Variants in NOBOX observed in about 807,000 individuals in gnomAD.
NOBOX encodes homeobox protein NOBOX.
NOBOX carries 46 observed loss-of-function variants against 60.2 expected under a neutral mutation model. The observed-to-expected ratio is 0.76, with a 90% confidence interval of 0.60 to 0.98. The LOEUF (loss-of-function observed/expected upper bound fraction) is 0.98, where lower values mean the gene tolerates loss of function less well. Among genes scored for constraint, NOBOX ranks in the 50% least tolerant of loss-of-function variants. NOBOX has a pLI of 0.00. For synonymous variants in NOBOX, 360 were observed against 346.3 expected, an observed-to-expected ratio of 1.04 and a Z score of -0.44; for missense variants, 880 against 865.5, an observed-to-expected ratio of 1.02 and a Z score of -0.21.
In NOBOX at chr7:144,401,424, C is replaced by G. The variant is rs376715979; in HGVS notation, c.466G>C (p.Gly156Arg). 6.2e-7 allele frequency: 1 copy of G among 1,610,374 alleles called. No individual in the cohort carries two copies. The change falls in exon 4 of 10, where the codon GGG becomes CGG. Residue 156 changes from glycine to arginine, a missense_variant. Coordinates refer to ENST00000467773, the MANE Select transcript of NOBOX (RefSeq NM_001080413.3). This position sits in a 1 kb window ranked among gnomAD's most constrained non-coding sequence, Gnocchi z 4.2. ...GAGCGGGGGGGCGGGCACAGTCTCCCAGCATCAGCCCCGGTGGCTTCTCCA... is the reference window on the plus strand; with the variant it reads ...GAGCGGGGGGGCGGGCACAGTCTCCGAGCATCAGCCCCGGTGGCTTCTCCA...
In NOBOX at chr7:144,400,142, C is replaced by G; in HGVS notation, c.1015G>C (p.Glu339Gln). Residue 339 changes from glutamate (E) to glutamine (Q), a missense_variant, in exon 5 of 10, where the codon GAA becomes CAA. Coordinates refer to ENST00000467773, the MANE Select transcript of NOBOX (RefSeq NM_001080413.3). ...ACCGCTGAGCGCTCACTCTGCAATT[C>G]GAGTGTTTCAATGGTGGGCCCTCCG... The G allele has an allele frequency of 6.2e-7, 1 of 1,613,750 alleles. No homozygotes were observed.
Position 144,398,992 on chromosome 7 carries a change from T to C in NOBOX, c.1427A>G (p.Asp476Gly). ...ACAGGGGCCGTCCTTGTGGCTGCTGTCACTGCCAGCAACATCCATCAGCAG... is the reference window on the plus strand; with the variant it reads ...ACAGGGGCCGTCCTTGTGGCTGCTGCCACTGCCAGCAACATCCATCAGCAG... The change falls in exon 8 of 10, where the codon GAC becomes GGC. Residue 476 changes from aspartate to glycine, a missense_variant. Transcript: ENST00000467773. 1 of 1,579,602 alleles carries C rather than the reference T, an allele frequency of 6.3e-7. No homozygotes were observed. Among genetic ancestry groups the C allele is most frequent in the African/African-American group, 1.3e-5 (1 of 74,176 alleles).
At chr7:144,403,597 C>A (rs1397080564) in intron 2 of NOBOX, 60 bp downstream of exon 1, 3 of 591,148 alleles carry the variant, frequency 5.1e-6, no homozygotes, top group African/African-American at 3.8e-5. Flanking sequence ...TCACAGGCCT[C>A]CCCCCCTCCC....
intron 9 of NOBOX, 53 bp downstream of exon 7, chr7:144,398,229 C>CCCT (rs2053907168): frequency 1.3e-6 from 2 of 1,502,226 alleles, no homozygotes; most frequent in Admixed American, 2.0e-5. Context: ...GCTCTTTGTC[C>CCCT]CCTCCCACCT....
intron 2 of NOBOX, chr7:144,403,675 G>T (rs1173607979): frequency 4.3e-6 from 3 of 701,504 alleles, no homozygotes; most frequent in Admixed American, 4.0e-5. Flanking sequence ...CCCTGGCAGG[G>T]ATTCTCTGTG....
Position 144,401,195 on chromosome 7 carries a change from G to A in NOBOX, c.695C>T (p.Pro232Leu), listed in dbSNP as rs1367978826. 3 of 1,613,616 alleles carry A rather than the reference G, an allele frequency of 1.9e-6. No individual in the cohort carries two copies. The highest frequency in any genetic ancestry group is 2.5e-6 in the Non-Finnish European group (3 of 1,179,792). Residue 232 changes from proline (P) to leucine (L), a missense_variant, in exon 4 of 10, where the codon CCA (proline) becomes CTA (leucine). Physicochemically the swap from Pro to Leu is moderately conservative, Grantham distance 98 (BLOSUM62 -3). Coordinates refer to ENST00000467773, the MANE Select transcript of NOBOX (RefSeq NM_001080413.3). This position sits in a 1 kb window ranked among gnomAD's most constrained non-coding sequence, Gnocchi z 4.2. ...CCCCCGGCCTGACCCACAGGGCACTGGGTTGTGTGTGGCACGGGCTGAGTT... is the reference window on the plus strand; with the variant it reads ...CCCCCGGCCTGACCCACAGGGCACTAGGTTGTGTGTGGCACGGGCTGAGTT...
Position 144,397,532 on chromosome 7 carries a change from G to A in NOBOX, c.1784C>T (p.Ser595Phe), listed in dbSNP as rs2053902147. The stretch of plus-strand genomic sequence containing the variant: ...CTCTGGCAAACAGGGGTCACTCCAG[G>A]AGGCTGTACCTGTGGGGTCGGAGGG... Residue 595 changes from serine to phenylalanine, a missense_variant, in exon 10 of 10, where the codon TCC becomes TTC. Physicochemically the swap from Ser to Phe is radical, Grantham distance 155. Transcript: ENST00000467773. 2 of 1,527,390 alleles carry A rather than the reference G, an allele frequency of 1.3e-6. No homozygotes were observed. Among genetic ancestry groups the A allele is most frequent in the South Asian group, 1.2e-5 (1 of 83,156 alleles). The allele number at this position is 1,527,390 out of a possible 1,614,324, so 94.6% of individuals were successfully genotyped here.
Position 144,401,567 on chromosome 7 carries a change from G to A in NOBOX, c.323C>T (p.Ala108Val). ...GAGCAGTTCCTCCTCCCCGGGTCCT[G>A]CAGCCAGGGGCTTCTCTCCAGCTTT... Residue 108 changes from alanine to valine, a missense_variant, in exon 4 of 10, where the codon GCA (alanine) becomes GTA (valine). Coordinates refer to ENST00000467773, the MANE Select transcript of NOBOX (RefSeq NM_001080413.3). The surrounding 1 kb of genome is among the most constrained non-coding windows in gnomAD (Gnocchi z 4.2). 1.3e-6 allele frequency: 2 copies of A among 1,509,072 alleles called. No individual in the cohort carries two copies. The highest frequency in any genetic ancestry group is 1.8e-6 in the Non-Finnish European group (2 of 1,135,572). The allele number at this position is 1,509,072 out of a possible 1,614,324, so 93.5% of individuals were successfully genotyped here. A position where few individuals can be genotyped will look rare whatever the true frequency, so the allele number is the denominator to read the frequency against.
At chr7:144,399,552 G>T in intron 6 of NOBOX, 70 bp from the exon 5 acceptor site, 1 of 1,329,846 alleles carries the variant, frequency 7.5e-7, no homozygotes, top group Non-Finnish European at 1.1e-6. Context: ...TCATTGCCAG[G>T]AGAGACACCA....
chr7:144,405,530 T>C (rs1208169), intron 1 of NOBOX, among the ~76,000 whole-genome samples: 91,818 of 151,832 alleles, frequency 0.6, 28,184 homozygotes, highest in South Asian at 0.83. Context: ...TTGGAGAAGG[T>C]GACACGTGGG....
Position 144,398,392 on chromosome 7 carries a change from T to G in NOBOX, c.1664A>C (p.Glu555Ala). Residue 555 changes from glutamate (E) to alanine (A), a missense_variant, in exon 9 of 10, where the codon GAA becomes GCA. Transcript: ENST00000467773. ...ACAGGGAAACATAAAGAGAGAGTCT[T>G]CGGGCGGTGGAAGCGTCAGTGAACT... 6.5e-7 allele frequency: 1 copy of G among 1,537,130 alleles called. No homozygotes were observed. Among genetic ancestry groups the G allele is most frequent in the Non-Finnish European group, 8.7e-7 (1 of 1,146,888 alleles).
chr7:144,398,378 TAAAGAG>T lies in NOBOX; in HGVS notation c.1672_1677del (p.Leu558_Phe559del), dbSNP rs865872077. ...CCCCCGCTGGGGCCACAGGGAAACA[TAAAGAG>T]AGAGTCTTCGGGCGGTGGAAGCGTC... On this transcript the variant is annotated inframe_deletion, in exon 9 of 10. Transcript: ENST00000467773. The T allele has an allele frequency of 2.6e-6, 4 of 1,536,952 alleles. No individual in the cohort carries two copies. The highest frequency in any genetic ancestry group is 3.9e-5 in the Admixed American group (2 of 50,968).
rs758730028 is a variant in NOBOX, at chr7:144,404,606, A to T, written c.160T>A (p.Ser54Thr). The T allele has an allele frequency of 3.7e-6, 6 of 1,613,974 alleles. No homozygotes were observed. The East Asian group carries it at 1.3e-4, about 36-fold the overall frequency. The change falls in exon 2 of 10, where the codon TCC (serine) becomes ACC (threonine). Residue 54 changes from serine (S) to threonine (T), a missense_variant. Physicochemically the swap from Ser to Thr is moderately conservative, Grantham distance 58. Coordinates refer to ENST00000467773, the MANE Select transcript of NOBOX (RefSeq NM_001080413.3). ...AGGCTGCACCGGATGATGAAGAAGG[A>T]GCTGAAAGAGCCACAGACTCCGTAG...
At chr7:144,404,480 T>A in intron 2 of NOBOX, 1 of 1,318,136 alleles carries the variant, frequency 7.6e-7, no homozygotes, top group Non-Finnish European at 1.1e-6. Context: ...AACTCCTGAC[T>A]TCAAGTTATC....
rs1409332395 is a variant in NOBOX at position 144,401,103 on chromosome 7, C to A, written c.787G>T (p.Gly263Trp). The A allele has an allele frequency of 6.5e-7, 1 of 1,548,574 alleles. No individual in the cohort carries two copies. Among genetic ancestry groups the A allele is most frequent in the African/African-American group, 1.4e-5 (1 of 72,490 alleles). The stretch of plus-strand genomic sequence containing the variant: ...ATTTGGCAGGTCACTTCCGGGGGCC[C>A]CTGCTTGTGGTCTCTGTTTTGGTTG... Residue 263 changes from glycine (G) to tryptophan (W), a missense_variant, in exon 4 of 10, where the codon GGG (glycine) becomes TGG (tryptophan). Coordinates refer to ENST00000467773, the MANE Select transcript of NOBOX (RefSeq NM_001080413.3). The surrounding 1 kb of genome is among the most constrained non-coding windows in gnomAD (Gnocchi z 4.2).
At chr7:144,410,098 T>C (rs1039455212) in intron 1 of NOBOX, 1 of 1,225,158 alleles carries the variant, frequency 8.2e-7, no homozygotes, top group Non-Finnish European at 1.2e-6. Context: ...CTGTTCAGAG[T>C]GTGGTGCTCA....
In NOBOX at chr7:144,401,104, C is replaced by T. The variant is rs2053934567; in HGVS notation, c.786G>A (p.Gln262=). ...TTTGGCAGGTCACTTCCGGGGGCCC[C>T]TGCTTGTGGTCTCTGTTTTGGTTGC... The change falls in exon 4 of 10, where the codon CAG becomes CAA. Residue 262 remains glutamine, a synonymous_variant. Transcript: ENST00000467773. The surrounding 1 kb of genome is among the most constrained non-coding windows in gnomAD (Gnocchi z 4.2). 7 of 1,549,670 alleles carry T rather than the reference C, an allele frequency of 4.5e-6. No individual in the cohort carries two copies. The South Asian group carries it at 7.6e-5, about 17-fold the overall frequency.
Position 144,398,432 on chromosome 7 carries a change from G to A in NOBOX, c.1624C>T (p.Pro542Ser), listed in dbSNP as rs1447525784. ...GTCAGTGAACTGGGCATGGAGAAGG[G>A]GAAAGTGGGGAGGTAGGGCAACTTG... The change falls in exon 9 of 10, where the codon CCC (proline) becomes TCC (serine). Residue 542 changes from proline to serine, a missense_variant. Transcript: ENST00000467773. 6.5e-7 allele frequency: 1 copy of A among 1,537,316 alleles called. No individual in the cohort carries two copies. Among genetic ancestry groups the A allele is most frequent in the South Asian group, 1.2e-5 (1 of 84,048 alleles).
rs373089709 is a variant in NOBOX, at chr7:144,399,728, G to A, written c.1154+29C>T. 1.0e-4 allele frequency: 160 copies of A among 1,554,040 alleles called. No individual in the cohort carries two copies. In the African/African-American group the frequency reaches 2.0e-3, roughly 19 times the overall value. On this transcript the variant is annotated intron_variant, in intron 6 of 9. Transcript: ENST00000467773. ...CTTGGACCCCACTTCTACCCACAGG[G>A]ATGATACAGAAAGAGGAAGAATTCT...
Sources: allele counts gnomAD v4.1 joint callset (sites outside exome capture counted in the v4.1 genomes callset), GRCh38; gene constraint gnomAD v4.1.1; non-coding constraint Gnocchi (gnomAD v3.1); transcripts MANE v1.5; gene names NCBI Gene and HGNC (gene_info 2026-07-23, HGNC 2026-07-21).